PTPRD: variants seen among roughly 807,000 people sequenced by gnomAD.
PTPRD encodes the protein protein tyrosine phosphatase receptor type D, also known as receptor-type tyrosine-protein phosphatase delta.
A neutral mutation model predicts 214.5 loss-of-function variants in PTPRD; 34 were observed. The observed-to-expected ratio is 0.16, with a 90% CI of 0.12 to 0.21. The LOEUF is 0.21. Ranked by LOEUF, PTPRD falls within the 10% of genes least tolerant of loss-of-function variation. PTPRD has a pLI of 1.00. For missense variants in PTPRD, 2,545 were observed against 2,398.7 expected (o/e 1.06, Z -1.27); for synonymous variants, 1,128 against 845.7 (o/e 1.33, Z -5.79).
intron 14 of PTPRD, among the ~76,000 whole-genome samples, chr9:8,621,059 G>A (rs74724535): frequency 3.3e-4 from 50 of 151,928 alleles, no homozygotes; most frequent in African/African-American, 8.9e-4. Flanking sequence ...ATAATCAACC[G>A]GAGATACTAG....
chr9:9,725,276 A>T (rs554051858), intron 7 of PTPRD, among the ~76,000 whole-genome samples: 1 of 150,150 alleles, frequency 6.7e-6, no homozygotes, highest in African/African-American at 2.5e-5. Context: ...GTCTCATGAG[A>T]TCTGACGGTA....
At chr9:9,409,659 A>C (rs1488922349) in intron 8 of PTPRD, among the ~76,000 whole-genome samples, 3 of 152,084 alleles carry the variant, frequency 2.0e-5, no homozygotes, top group Admixed American at 1.3e-4. Context: ...CATAAGGGAG[A>C]ATCAGTAACT....
intron 11 of PTPRD, among the ~76,000 whole-genome samples, chr9:8,741,017 T>C (rs1272891392): frequency 6.6e-6 from 1 of 152,238 alleles, no homozygotes; most frequent in Non-Finnish European, 1.5e-5. Flanking sequence ...CTGAGCTTTT[T>C]CTATAGTTTA....
intron 5 of PTPRD, among the ~76,000 whole-genome samples, chr9:9,919,951 T>G (rs573790359): frequency 2.0e-5 from 3 of 152,174 alleles, no homozygotes; most frequent in African/African-American, 7.2e-5. Flanking sequence ...GTAACACCTA[T>G]ACGCTTTTCT....
In PTPRD at chr9:8,387,014, G is replaced by T. The variant is rs2087345098; in HGVS notation, c.4386+2218C>A. On this transcript the variant is annotated intron_variant, in intron 37 of 45. Coordinates refer to ENST00000381196, the MANE Select transcript of PTPRD (RefSeq NM_002839.4). ...AGGGCTCATGTGTATTGTCAGATTG[G>T]TGGTGGCTGAGACTCCCCAAATGCC... Among the ~76,000 whole-genome samples the T allele has an allele frequency of 5.3e-5, 8 of 152,156 alleles. No individual in the cohort carries two copies. In the South Asian group the frequency reaches 1.7e-3, roughly 31 times the overall value.
intron 7 of PTPRD, among the ~76,000 whole-genome samples, chr9:9,633,468 A>G (rs2095657809): frequency 6.6e-6 from 1 of 152,164 alleles, no homozygotes; most frequent in African/African-American, 2.4e-5. Flanking sequence ...TAACACATAT[A>G]TTAATTCCTT....
chr9:10,477,193 G>T (rs1303864184), intron 2 of PTPRD, among the ~76,000 whole-genome samples: 1 of 152,022 alleles, frequency 6.6e-6, no homozygotes, highest in Non-Finnish European at 1.5e-5. Context: ...GAGTGAACAG[G>T]CAACCTAAAG....
At chr9:10,086,995 A>G (rs1008440510) in intron 3 of PTPRD, among the ~76,000 whole-genome samples, 1 of 151,828 alleles carries the variant, frequency 6.6e-6, no homozygotes, top group Non-Finnish European at 1.5e-5. Context: ...AACTTAATTT[A>G]GGATTCAGCA....
chr9:10,030,565 C>G (rs950606356), intron 4 of PTPRD, among the ~76,000 whole-genome samples: 1 of 151,984 alleles, frequency 6.6e-6, no homozygotes, highest in Non-Finnish European at 1.5e-5. Context: ...AGTGACTAGA[C>G]TAATGTTAAC....
At chr9:10,557,209 T>C (rs1215105209) in intron 2 of PTPRD, among the ~76,000 whole-genome samples, 2 of 152,122 alleles carry the variant, frequency 1.3e-5, no homozygotes, top group South Asian at 4.1e-4. Flanking sequence ...ATTTCATAGA[T>C]ATTGTAAAGT....
chr9:10,042,802 G>T (rs370460167), intron 3 of PTPRD, among the ~76,000 whole-genome samples: 256 of 151,950 alleles, frequency 1.7e-3, no homozygotes, highest in Middle Eastern at 6.8e-3. Flanking sequence ...TAAATGACAA[G>T]TAATTATCCA....
intron 3 of PTPRD, among the ~76,000 whole-genome samples, chr9:10,124,150 G>C (rs948193204): frequency 1.3e-5 from 2 of 152,084 alleles, no homozygotes; most frequent in Non-Finnish European, 2.9e-5. Flanking sequence ...TTTAAAAAGA[G>C]CACAGGATGC....
intron 10 of PTPRD, among the ~76,000 whole-genome samples, chr9:9,165,653 T>C (rs574640166): frequency 5.3e-5 from 8 of 152,224 alleles, no homozygotes; most frequent in Non-Finnish European, 1.2e-4. Flanking sequence ...ATGTCAACTA[T>C]GACTCTGTAC....
intron 14 of PTPRD, among the ~76,000 whole-genome samples, chr9:8,616,039 T>A (rs1376018973): frequency 2.6e-5 from 4 of 152,160 alleles, no homozygotes; most frequent in Non-Finnish European, 5.9e-5. Context: ...AAAAGAAATT[T>A]ATGAATGAAA....
intron 9 of PTPRD, among the ~76,000 whole-genome samples, chr9:9,379,209 A>G (rs992794487): frequency 6.9e-6 from 1 of 144,058 alleles, no homozygotes; most frequent in African/African-American, 2.5e-5. Context: ...ATATATATAT[A>G]TGATATATAT....
At chr9:8,666,976 T>A (rs1273127963) in intron 12 of PTPRD, among the ~76,000 whole-genome samples, 1 of 152,164 alleles carries the variant, frequency 6.6e-6, no homozygotes, top group Non-Finnish European at 1.5e-5. Flanking sequence ...TGTATGCACA[T>A]TATCTATAAC....
At chr9:10,116,239 G>C (rs2098730305) in intron 3 of PTPRD, among the ~76,000 whole-genome samples, 1 of 152,078 alleles carries the variant, frequency 6.6e-6, no homozygotes, top group Admixed American at 6.6e-5. Context: ...GTAAATGTCA[G>C]TCTGAATTAG....
intron 10 of PTPRD, among the ~76,000 whole-genome samples, chr9:9,129,467 G>A (rs751703723): frequency 6.6e-6 from 1 of 152,020 alleles, no homozygotes; most frequent in African/African-American, 2.4e-5. Flanking sequence ...TCTTATTTAC[G>A]TATTTATTTA....
At chr9:10,136,272 G>A (rs1285364134) in intron 3 of PTPRD, among the ~76,000 whole-genome samples, 2 of 152,064 alleles carry the variant, frequency 1.3e-5, no homozygotes, top group Non-Finnish European at 2.9e-5. Flanking sequence ...TTAGACAGCT[G>A]CACAAGAATA....
Sources: gnomAD v4.1 joint callset for allele counts (sites outside exome capture counted in the v4.1 genomes callset) on GRCh38, gnomAD v4.1.1 for gene constraint, MANE v1.5 for transcripts, NCBI Gene and HGNC (gene_info 2026-07-23, HGNC 2026-07-21) for gene names.